The following ULK4 variants were observed in gnomAD, a reference collection of about 807,000 sequenced individuals.
ULK4 encodes the protein inactive serine/threonine-protein kinase ULK4.
Under a neutral mutation model 160.6 loss-of-function variants are expected in ULK4, and 133 were observed. The ratio of observed to expected loss-of-function variants is 0.83; its 90% CI spans 0.72 to 0.96. The LOEUF (loss-of-function observed/expected upper bound fraction) is 0.96, where lower values mean the gene tolerates loss of function less well. Ranked by LOEUF, ULK4 falls within the 40% of genes least tolerant of loss-of-function variation. ULK4 has a pLI of 0.00. For missense variants in ULK4, 1,580 were observed against 1,499.5 expected (o/e 1.05, Z -0.89); for synonymous variants, 534 against 539.8 (o/e 0.99, Z 0.15).
chr3:41,283,776 T>C (rs2079407355), intron 35 of ULK4, among the ~76,000 whole-genome samples: 1 of 151,316 alleles, frequency 6.6e-6, no homozygotes, highest in South Asian at 2.1e-4. Flanking sequence ...ACATGTACCG[T>C]AGAACAAACA....
At chr3:41,434,045 A>G (rs1170668160) in intron 34 of ULK4, among the ~76,000 whole-genome samples, 1 of 152,230 alleles carries the variant, frequency 6.6e-6, no homozygotes, top group Admixed American at 6.5e-5. Context: ...TTGAGTGTCA[A>G]TATGATACCA....
intron 18 of ULK4, among the ~76,000 whole-genome samples, chr3:41,820,508 T>A (rs1484850096): frequency 1.3e-5 from 2 of 152,168 alleles, no homozygotes; most frequent in African/African-American, 4.8e-5. Context: ...GAGGCCATTA[T>A]CCTAAGCAAA....
chr3:41,449,235 AT>A (rs34040177), intron 34 of ULK4, among the ~76,000 whole-genome samples: 31,112 of 150,312 alleles, frequency 0.21, 3,585 homozygotes, highest in East Asian at 0.49. Context: ...TTATTTAAAA[AT>A]TTTTTTTTTA....
intron 19 of ULK4, among the ~76,000 whole-genome samples, chr3:41,802,179 T>A (rs1459469106): frequency 6.6e-6 from 1 of 151,752 alleles, no homozygotes; most frequent in Non-Finnish European, 1.5e-5. Flanking sequence ...CAGAAAAAAA[T>A]GATAATGAGA....
At chr3:41,478,548 G>C (rs2084213320) in intron 32 of ULK4, among the ~76,000 whole-genome samples, 1 of 152,184 alleles carries the variant, frequency 6.6e-6, no homozygotes, top group Non-Finnish European at 1.5e-5. Flanking sequence ...TGTCCCAAGT[G>C]AGTGCCATGC....
intron 31 of ULK4, among the ~76,000 whole-genome samples, chr3:41,578,905 C>A (rs1471755466): frequency 6.6e-6 from 1 of 152,202 alleles, no homozygotes; most frequent in Non-Finnish European, 1.5e-5. Flanking sequence ...AGCTTAATTT[C>A]TTCAGTCAAG....
At chr3:41,351,401 CA>C (rs2080906867) in intron 35 of ULK4, among the ~76,000 whole-genome samples, 1 of 152,206 alleles carries the variant, frequency 6.6e-6, no homozygotes, top group Non-Finnish European at 1.5e-5. Flanking sequence ...ACAAAACCCA[CA>C]GGCTGGTTTC....
At chr3:41,452,274 C>G (rs968864599) in intron 34 of ULK4, among the ~76,000 whole-genome samples, 1 of 152,202 alleles carries the variant, frequency 6.6e-6, no homozygotes, top group African/African-American at 2.4e-5. Context: ...TTTCAAGTTT[C>G]ATCTACTGCT....
chr3:41,342,769 C>T (rs2080714008), intron 35 of ULK4, among the ~76,000 whole-genome samples: 1 of 152,120 alleles, frequency 6.6e-6, no homozygotes, highest in African/African-American at 2.4e-5. Flanking sequence ...ATGTAAAAAT[C>T]CTCAATAAAA....
At chr3:41,593,331 T>A (rs1264977411) in intron 31 of ULK4, among the ~76,000 whole-genome samples, 3 of 152,172 alleles carry the variant, frequency 2.0e-5, no homozygotes, top group African/African-American at 7.2e-5. Context: ...CTTTAGTGAT[T>A]TGTTGATTGA....
intron 27 of ULK4, among the ~76,000 whole-genome samples, chr3:41,688,563 A>G (rs939918991): frequency 6.6e-6 from 1 of 152,206 alleles, no homozygotes; most frequent in African/African-American, 2.4e-5. Flanking sequence ...TGAACTTATA[A>G]AAGTATTTGT....
chr3:41,588,410 A>G (rs773903997), intron 31 of ULK4, among the ~76,000 whole-genome samples: 6 of 152,206 alleles, frequency 3.9e-5, no homozygotes, highest in Non-Finnish European at 8.8e-5. Context: ...TTCACAGAAA[A>G]ATTATGACAA....
At chr3:41,800,976 T>C (rs2040441739) in intron 19 of ULK4, among the ~76,000 whole-genome samples, 1 of 152,188 alleles carries the variant, frequency 6.6e-6, no homozygotes, top group Admixed American at 6.5e-5. Flanking sequence ...GTGAGTAACA[T>C]CTAATTGAAC....
chr3:41,919,042 A>G (rs1699076631), intron 6 of ULK4, among the ~76,000 whole-genome samples: 1 of 152,182 alleles, frequency 6.6e-6, no homozygotes, highest in South Asian at 2.1e-4. Flanking sequence ...AAAATGTATT[A>G]TCATCCTAAC....
In ULK4 at chr3:41,824,674, G is replaced by A. The variant is rs530925949; in HGVS notation, c.1765-5168C>T. 6.6e-5 allele frequency among the ~76,000 whole-genome samples: 10 copies of A among 152,252 alleles called. 1 individual carries two copies. Among genetic ancestry groups the A allele is most frequent in the South Asian group, 4.2e-4 (2 of 4,816 alleles). On this transcript the variant is annotated intron_variant, in intron 18 of 36. Coordinates refer to ENST00000301831, the MANE Select transcript of ULK4 (RefSeq NM_017886.4). ...GGTAAACAAAGCAGCCAGGAAGCTC[G>A]AACTGGGTGGAGCCCACCGCAGTTC...
In ULK4 at chr3:41,348,066, A is replaced by T. The variant is rs778344942; in HGVS notation, c.3678+50013T>A. Among the ~76,000 whole-genome samples, 285 of 151,854 alleles carry T rather than the reference A, an allele frequency of 1.9e-3. 5 individuals carry two copies. The highest frequency in any genetic ancestry group is 6.9e-4 in the Non-Finnish European group (47 of 67,898). Reference sequence around the variant, plus strand: ...CTACTAAAAATACAAAAAATTAGCCAGGTGTGGTGGCATGCATCTGTAGTC... The same window carrying T: ...CTACTAAAAATACAAAAAATTAGCCTGGTGTGGTGGCATGCATCTGTAGTC... On this transcript the variant is annotated intron_variant, in intron 35 of 36. Coordinates refer to ENST00000301831, the MANE Select transcript of ULK4 (RefSeq NM_017886.4).
chr3:41,414,033 C>T (rs369698162), intron 34 of ULK4, among the ~76,000 whole-genome samples: 105 of 152,206 alleles, frequency 6.9e-4, no homozygotes, highest in African/African-American at 2.5e-3. Context: ...GGAGAAACCC[C>T]GTCTCTACTT....
At chr3:41,646,894 T>G (rs1039914768) in intron 30 of ULK4, among the ~76,000 whole-genome samples, 2 of 152,186 alleles carry the variant, frequency 1.3e-5, no homozygotes, top group African/African-American at 4.8e-5. Flanking sequence ...GTTCATTTCT[T>G]TTTATTCATT....
At chr3:41,447,911 A>C (rs1276023133) in intron 34 of ULK4, among the ~76,000 whole-genome samples, 1 of 152,158 alleles carries the variant, frequency 6.6e-6, no homozygotes, top group Non-Finnish European at 1.5e-5. Context: ...TTTTAAAGCA[A>C]GCGAGCCGAG....
Sources: gnomAD v4.1 joint callset for allele counts (sites outside exome capture counted in the v4.1 genomes callset) on GRCh38, gnomAD v4.1.1 for gene constraint, MANE v1.5 for transcripts, NCBI Gene and HGNC (gene_info 2026-07-23, HGNC 2026-07-21) for gene names.